Variants in ANPEP observed in about 807,000 individuals in gnomAD.
ANPEP encodes aminopeptidase N.
In ANPEP, 70 loss-of-function variants were observed where a neutral mutation model predicts 114.6. The observed-to-expected ratio is 0.61, with a 90% CI of 0.50 to 0.75. The LOEUF is 0.75. Among genes scored for constraint, ANPEP ranks in the 30% least tolerant of loss-of-function variants. The pLI, the probability that ANPEP is intolerant of heterozygous loss-of-function variation, is 0.00. For missense variants in ANPEP, 1,184 were observed against 1,259.5 expected, an observed-to-expected ratio of 0.94 and a Z score of 0.91; for synonymous variants, 548 against 522.3, an observed-to-expected ratio of 1.05 and a Z score of -0.67.
Position 89,792,543 on chromosome 15 carries a change from T to C in ANPEP, c.2269A>G (p.Ile757Val), listed in dbSNP as rs1469700898. 1.2e-6 allele frequency: 2 copies of C among 1,614,032 alleles called. No homozygotes were observed. Among genetic ancestry groups the C allele is most frequent in the African/African-American group, 2.7e-5 (2 of 74,922 alleles). The change falls in exon 17 of 21, where the codon ATC becomes GTC. Residue 757 changes from isoleucine (I) to valine (V), a missense_variant. Transcript: ENST00000300060. ...LMDQYSEVNA[I>V]STACSNGVPE... ...ACTCCGTTGGAGCAGGCGGTGCTGA[T>C]GGCATTAACCTCGCTGTACCTGCCC... is the stretch of plus-strand genomic sequence containing the variant.
intron 1 of ANPEP, among the ~76,000 whole-genome samples, chr15:89,813,917 G>C (rs925488283): frequency 1.3e-5 from 2 of 152,094 alleles, no homozygotes; most frequent in Admixed American, 1.3e-4. Context: ...GGGCTGAGGT[G>C]GGGGAGGAGT....
intron 1 of ANPEP, among the ~76,000 whole-genome samples, 167 bp downstream of exon 1, chr15:89,814,605 T>G (rs1894875249): frequency 6.6e-6 from 1 of 152,162 alleles, no homozygotes; most frequent in Non-Finnish European, 1.5e-5. Flanking sequence ...ATTCTTCGCT[T>G]TCCCTGGCCC....
rs1968713849 is a variant in ANPEP, at chr15:89,795,640, CAGAGAAAT to C, written c.2157+1927_2157+1934del. ...TCAGTGGAGCAAGACCTTAAACATTCAGAGAAATAATTTCCCACCTTGAAACTTCTAAA... is the reference window on the plus strand; with the variant it reads ...TCAGTGGAGCAAGACCTTAAACATTCAATTTCCCACCTTGAAACTTCTAAA... On this transcript the variant is annotated intron_variant, in intron 15 of 20. Transcript: ENST00000300060. Among the ~76,000 whole-genome samples, 3 of 152,322 alleles carry C rather than the reference CAGAGAAAT, an allele frequency of 2.0e-5. No individual in the cohort carries two copies. In the South Asian group the frequency reaches 6.2e-4, roughly 32 times the overall value.
Position 89,785,331 on chromosome 15 carries a change from G to T in ANPEP, c.*18C>A. 6.2e-7 allele frequency: 1 copy of T among 1,613,922 alleles called. No homozygotes were observed. Among genetic ancestry groups the T allele is most frequent in the South Asian group, 1.1e-5 (1 of 91,030 alleles). On this transcript the variant is annotated 3_prime_UTR_variant, in exon 21 of 21. Transcript: ENST00000300060. ...TGGGCACCTTGCATGGGGGCCGGGT[G>T]ACTTCAAGGGCTGGGGACTATTTGC...
rs776376212 is a variant in ANPEP at position 89,790,442 on chromosome 15, T to G, written c.2751+18A>C. On this transcript the variant is annotated intron_variant, in intron 20 of 20. Transcript: ENST00000300060. ...GAAGGAAGTAGGCAGAGCCCAGGTC[T>G]GGGGAATGACTTCTTACCTGCTGCA... The G allele has an allele frequency of 1.2e-6, 2 of 1,610,668 alleles. No homozygotes were observed.
chr15:89,804,612 C>G lies in ANPEP; in HGVS notation c.903G>C (p.Arg301=). The stretch of plus-strand genomic sequence containing the variant: ...CAATGGCACTGGGCCGGGCCCAGAT[C>G]CGGATCTGCAAGGTGTGAGGAAGAA... ...EKQASNGVLI[R]IWARPSAIAA... The change falls in exon 5 of 21, where the codon CGG becomes CGC. Residue 301 remains arginine (R), a synonymous_variant. Coordinates refer to ENST00000300060, the MANE Select transcript of ANPEP (RefSeq NM_001150.3). The G allele has an allele frequency of 6.2e-7, 1 of 1,613,644 alleles. No individual in the cohort carries two copies. The highest frequency in any genetic ancestry group is 8.5e-7 in the Non-Finnish European group (1 of 1,179,760).
At chr15:89,801,668 G>A in intron 10 of ANPEP, 61 bp from the exon 11 acceptor site, 2 of 1,573,066 alleles carry the variant, frequency 1.3e-6, no homozygotes, top group Non-Finnish European at 1.7e-6. Flanking sequence ...GCCATCCAGG[G>A]CATCTCCTGC....
At chr15:89,811,518 C>T (rs1019137678) in intron 1 of ANPEP, among the ~76,000 whole-genome samples, 6 of 151,478 alleles carry the variant, frequency 4.0e-5, no homozygotes, top group Non-Finnish European at 7.4e-5. Context: ...TGGTGGTGGG[C>T]GCCTGTAATC....
intron 16 of ANPEP, among the ~76,000 whole-genome samples, 157 bp from the exon 17 acceptor site, chr15:89,792,719 T>A (rs1369307736): frequency 6.6e-6 from 1 of 152,078 alleles, no homozygotes; most frequent in Non-Finnish European, 1.5e-5. Context: ...GGGCCTGAGG[T>A]TCCTTGGTCC....
In ANPEP at chr15:89,801,145, T is replaced by C. The variant is rs1894580750; in HGVS notation, c.1785A>G (p.Arg595=). ...CTATCAGCCAGTAGTCCTGCTGCTG[T>C]CTGCCATCTCTGATGGATGTGATGG... The part of the protein sequence containing the change: ...IVPITSIRDG[R]QQQDYWLIDV... Residue 595 remains arginine (R), a synonymous_variant, in exon 12 of 21, where the codon AGA becomes AGG. Transcript: ENST00000300060. 1.2e-6 allele frequency: 2 copies of C among 1,614,182 alleles called. No homozygotes were observed. The highest frequency in any genetic ancestry group is 1.7e-6 in the Non-Finnish European group (2 of 1,180,038).
In ANPEP at chr15:89,805,254, C is replaced by T. The variant is rs756647917; in HGVS notation, c.758-37G>A. On this transcript the variant is annotated intron_variant, in intron 3 of 20. Transcript: ENST00000300060. The stretch of plus-strand genomic sequence containing the variant: ...GCATGTGTGTGTGAGGACGTACCCT[C>T]CTGCCCCACACCCCAGCCCAGGGTG... 35 of 1,613,514 alleles carry T rather than the reference C, an allele frequency of 2.2e-5. No homozygotes were observed. In the South Asian group the frequency reaches 2.5e-4, roughly 12 times the overall value.
At chr15:89,800,201 T>G (rs867811405) in intron 12 of ANPEP, among the ~76,000 whole-genome samples, 17 of 152,224 alleles carry the variant, frequency 1.1e-4, no homozygotes, top group Non-Finnish European at 1.8e-4. Context: ...TCCCTGGCAC[T>G]TGCTATTCCC....
chr15:89,805,467 C>T lies in ANPEP; in HGVS notation c.615-4G>A, dbSNP rs757497292. The T allele has an allele frequency of 2.5e-6, 4 of 1,613,908 alleles. No individual in the cohort carries two copies. Among genetic ancestry groups the T allele is most frequent in the Non-Finnish European group, 3.4e-6 (4 of 1,179,952 alleles). On this transcript the variant is annotated splice_region_variant and splice_polypyrimidine_tract_variant and intron_variant, in intron 2 of 20. Coordinates refer to ENST00000300060, the MANE Select transcript of ANPEP (RefSeq NM_001150.3). The stretch of plus-strand genomic sequence containing the variant: ...CATCTGTGTAGTGGCCACCACCCTG[C>T]CCCAACAGGAAGGTTAGAGGGTGTG...
chr15:89,806,090 T>C lies in ANPEP; in HGVS notation c.494A>G (p.His165Arg), dbSNP rs1289262975. Reference sequence around the variant, plus strand: ...GTCCTTCACCAGGGAGCCCTTGAGGTGCACCACCAGGTACTCGGTGGGCTC... The same window carrying C: ...GTCCTTCACCAGGGAGCCCTTGAGGCGCACCACCAGGTACTCGGTGGGCTC... ...LVEPTEYLVV[H>R]LKGSLVKDSQ... Residue 165 changes from histidine (H) to arginine (R), a missense_variant, in exon 2 of 21, where the codon CAC (histidine) becomes CGC (arginine). Coordinates refer to ENST00000300060, the MANE Select transcript of ANPEP (RefSeq NM_001150.3). The surrounding 1 kb of genome is among the most constrained non-coding windows in gnomAD (Gnocchi z 5.7). 1.2e-6 allele frequency: 2 copies of C among 1,613,814 alleles called. No individual in the cohort carries two copies. Among genetic ancestry groups the C allele is most frequent in the African/African-American group, 2.7e-5 (2 of 74,858 alleles).
chr15:89,790,740 T>C (rs533076761), intron 19 of ANPEP, among the ~76,000 whole-genome samples, 199 bp from the exon 20 acceptor site: 6 of 152,222 alleles, frequency 3.9e-5, no homozygotes, highest in African/African-American at 1.2e-4. Context: ...TTCTGGAGAA[T>C]ACGCCCACAC....
chr15:89,801,391 T>C, intron 11 of ANPEP, 44 bp downstream of exon 11: 4 of 1,607,008 alleles, frequency 2.5e-6, no homozygotes, highest in Non-Finnish European at 3.4e-6. Flanking sequence ...AACTGCCCTC[T>C]ACCCCACCCA....
rs759006687 is a variant in ANPEP at position 89,790,497 on chromosome 15, A to C, written c.2714T>G (p.Val905Gly). Residue 905 changes from valine to glycine, a missense_variant, in exon 20 of 21, where the codon GTG becomes GGG. Transcript: ENST00000300060. ...SFSFSNLIQA[V>G]TRRFSTEYEL... ...ATACTCGGTGGAGAATCGTCGTGTC[A>C]CTGCCTGGATGAGGTTGGAGAAGGA... 3 of 1,613,922 alleles carry C rather than the reference A, an allele frequency of 1.9e-6. No homozygotes were observed. In the African/African-American group the frequency reaches 4.0e-5, roughly 22 times the overall value.
Position 89,806,015 on chromosome 15 carries a change from A to G in ANPEP, c.569T>C (p.Leu190Pro), listed in dbSNP as rs1355140632. The G allele has an allele frequency of 1.2e-6, 2 of 1,608,718 alleles. No individual in the cohort carries two copies. The highest frequency in any genetic ancestry group is 1.7e-5 in the Admixed American group (1 of 59,848). ...SEFEGELADD[L>P]AGFYRSEYME... ...GTACTCGCTGCGGTAGAAGCCCGCC[A>G]GGTCATCTGCCAACTCCCCCTCGAA... The change falls in exon 2 of 21, where the codon CTG (leucine) becomes CCG (proline). Residue 190 changes from leucine to proline, a missense_variant. Leu to Pro is a moderately conservative substitution (Grantham distance 98). Coordinates refer to ENST00000300060, the MANE Select transcript of ANPEP (RefSeq NM_001150.3). This position sits in a 1 kb window ranked among gnomAD's most constrained non-coding sequence, Gnocchi z 5.7.
chr15:89,811,082 C>T (rs1332204039), intron 1 of ANPEP, among the ~76,000 whole-genome samples: 1 of 152,204 alleles, frequency 6.6e-6, no homozygotes, highest in African/African-American at 2.4e-5. Context: ...GCAACACGTG[C>T]TTGTGGAATG....
Sources: gnomAD v4.1 joint callset for allele counts (sites outside exome capture counted in the v4.1 genomes callset) on GRCh38, gnomAD v4.1.1 for gene constraint, Gnocchi (gnomAD v3.1) non-coding constraint, MANE v1.5 for transcripts, NCBI Gene and HGNC (gene_info 2026-07-23, HGNC 2026-07-21) for gene names.